Variants in ENTREP2 observed in about 807,000 individuals in gnomAD.
The protein encoded by ENTREP2 is endosomal transmembrane epsin interactor 2.
the ENTREP2 span, chr15:29,269,688 C>G: frequency 6.4e-7 from 1 of 1,551,148 alleles, no homozygotes; most frequent in Non-Finnish European, 8.7e-7. Flanking sequence ...GGCCCCGGTT[C>G]CTCGGTTTTT....
chr15:29,129,758 G>A, the ENTREP2 span, among the ~76,000 whole-genome samples: 1 of 152,150 alleles, frequency 6.6e-6, no homozygotes, highest in South Asian at 2.1e-4. Flanking sequence ...TGCCCATTCT[G>A]CGTGGGCCAT....
chr15:29,640,674 A>C, the ENTREP2 span, among the ~76,000 whole-genome samples: 1,013 of 152,176 alleles, frequency 6.7e-3, 12 homozygotes, highest in African/African-American at 0.023. Flanking sequence ...AAAACAAAAC[A>C]AAAAAACCAA....
the ENTREP2 span, among the ~76,000 whole-genome samples, chr15:29,300,188 ATGGG>A: frequency 8.8e-6 from 1 of 114,112 alleles, no homozygotes; most frequent in Admixed American, 8.0e-5. Context: ...GGATGGATGG[ATGGG>A]TAGGTAGGTG....
the ENTREP2 span, among the ~76,000 whole-genome samples, chr15:29,316,171 GA>G: frequency 6.6e-6 from 1 of 152,222 alleles, no homozygotes; most frequent in East Asian, 1.9e-4. Flanking sequence ...AAAGCAAAAT[GA>G]AATAAGTGAA....
At chr15:29,216,011 T>C in the ENTREP2 span, among the ~76,000 whole-genome samples, 1 of 152,226 alleles carries the variant, frequency 6.6e-6, no homozygotes, top group Admixed American at 6.5e-5. Flanking sequence ...GCCTGAGTAC[T>C]TTGGTTTTTT....
At chr15:29,581,055 T>C in the ENTREP2 span, among the ~76,000 whole-genome samples, 3 of 114,152 alleles carry the variant, frequency 2.6e-5, no homozygotes, top group Non-Finnish European at 6.8e-5. Context: ...TCAATAGTCA[T>C]TATTGTAATG....
chr15:29,267,447 T>C, the ENTREP2 span: 3 of 152,184 alleles, frequency 2.0e-5, no homozygotes, highest in Non-Finnish European at 4.4e-5. Context: ...ACAGATAAAT[T>C]GAGATTCAGA....
the ENTREP2 span, among the ~76,000 whole-genome samples, chr15:29,280,623 C>T: frequency 1.3e-5 from 2 of 152,224 alleles, no homozygotes; most frequent in Admixed American, 6.5e-5. Context: ...CCAGCCAATG[C>T]CCCCCCACAC....
chr15:29,313,411 G>A, the ENTREP2 span, among the ~76,000 whole-genome samples: 1 of 152,226 alleles, frequency 6.6e-6, no homozygotes, highest in African/African-American at 2.4e-5. Flanking sequence ...CTTGCTAGGA[G>A]CTAATGCAGC....
the ENTREP2 span, among the ~76,000 whole-genome samples, chr15:29,546,703 G>A: frequency 1.3e-5 from 2 of 151,948 alleles, no homozygotes; most frequent in African/African-American, 2.4e-5. Flanking sequence ...TGGCTAACAT[G>A]GTGAAACCCT....
At chr15:29,492,804 G>A in the ENTREP2 span, among the ~76,000 whole-genome samples, 1 of 152,132 alleles carries the variant, frequency 6.6e-6, no homozygotes, top group East Asian at 2.0e-4. Context: ...AGGAGTTCGA[G>A]ACCAGCCTGG....
At chr15:29,330,921 G>A in the ENTREP2 span, among the ~76,000 whole-genome samples, 150 of 152,154 alleles carry the variant, frequency 9.9e-4, 1 homozygote, top group African/African-American at 3.3e-3. Flanking sequence ...CAATCACAAC[G>A]CATAAATATC....
the ENTREP2 span, among the ~76,000 whole-genome samples, chr15:29,477,879 C>T: frequency 2.3e-4 from 35 of 151,754 alleles, no homozygotes; most frequent in East Asian, 1.2e-3. Flanking sequence ...CTGCAAATCA[C>T]GTTCTGCTTC....
the ENTREP2 span, among the ~76,000 whole-genome samples, chr15:29,354,506 C>T: frequency 6.6e-6 from 1 of 152,100 alleles, no homozygotes; most frequent in Non-Finnish European, 1.5e-5. Context: ...AATTAAGACC[C>T]TTCTATCATG....
At chr15:29,569,757 C>G in the ENTREP2 span, 1 of 152,234 alleles carries the variant, frequency 6.6e-6, no homozygotes, top group South Asian at 2.1e-4. Context: ...GAGATTTGTT[C>G]ACCACTGGCT....
chr15:29,271,814 C>T, the ENTREP2 span, among the ~76,000 whole-genome samples: 2 of 152,142 alleles, frequency 1.3e-5, no homozygotes, highest in Non-Finnish European at 2.9e-5. Flanking sequence ...AAAGCCCTTC[C>T]TTGTGCAACT....
chr15:29,263,147 C>T, the ENTREP2 span, among the ~76,000 whole-genome samples: 1 of 152,008 alleles, frequency 6.6e-6, no homozygotes, highest in Non-Finnish European at 1.5e-5. Context: ...TGACCAAAAC[C>T]AATTTCAAAA....
the ENTREP2 span, among the ~76,000 whole-genome samples, chr15:29,182,603 C>G: frequency 1.3e-5 from 2 of 151,380 alleles, no homozygotes; most frequent in Non-Finnish European, 2.9e-5. Context: ...CCCAGATTAA[C>G]CTAAAAATAC....
the ENTREP2 span, among the ~76,000 whole-genome samples, chr15:29,435,358 A>C: frequency 3.3e-5 from 5 of 152,118 alleles, no homozygotes; most frequent in Non-Finnish European, 7.3e-5. Flanking sequence ...CCTCCTAAAG[A>C]AGCAGCTGGA....
Sources: gnomAD v4.1 joint callset for allele counts (sites outside exome capture counted in the v4.1 genomes callset) on GRCh38, gnomAD v4.1.1 for gene constraint, MANE v1.5 for transcripts, NCBI Gene and HGNC (gene_info 2026-07-23, HGNC 2026-07-21) for gene names.